The following PPM1L variants were observed in gnomAD, a reference collection of about 807,000 sequenced individuals.
The protein encoded by PPM1L is protein phosphatase 1L.
In PPM1L, 13 loss-of-function variants were observed where a neutral mutation model predicts 31.4. The ratio of observed to expected loss-of-function variants is 0.41; its 90% CI spans 0.27 to 0.66. The LOEUF (loss-of-function observed/expected upper bound fraction) is 0.66. PPM1L is among the 30% of genes least tolerant of loss of function. The probability of loss-of-function intolerance (pLI) is 0.29; values close to 1 mark genes in which losing one functional copy is unlikely to be tolerated. For synonymous variants in PPM1L, 184 were observed against 175.4 expected (o/e 1.05, Z -0.39); for missense variants, 326 against 453.7 (o/e 0.72, Z 2.56).
At chr3:160,842,389 A>G (rs1361151716) in intron 1 of PPM1L, 1 of 688,310 alleles carries the variant, frequency 1.5e-6, no homozygotes, top group Non-Finnish European at 2.7e-6. Flanking sequence ...TCAAATTGGG[A>G]GGGGCTTTGA....
chr3:160,879,221 T>C (rs1427937024), intron 1 of PPM1L, among the ~76,000 whole-genome samples: 5 of 152,174 alleles, frequency 3.3e-5, no homozygotes, highest in Admixed American at 1.3e-4. Context: ...CCTTTTTTTT[T>C]CCACTCTCTG....
chr3:160,893,150 A>G (rs1713213473), intron 1 of PPM1L, among the ~76,000 whole-genome samples: 1 of 152,236 alleles, frequency 6.6e-6, no homozygotes, highest in South Asian at 2.1e-4. Context: ...GAAGAACCTT[A>G]AAATATGTTG....
intron 1 of PPM1L, among the ~76,000 whole-genome samples, chr3:160,838,369 G>A (rs1266442569): frequency 6.6e-6 from 1 of 152,128 alleles, no homozygotes. Flanking sequence ...ACAAAGGGTG[G>A]CTATAAGACA....
At chr3:160,911,556 G>A (rs746165903) in intron 1 of PPM1L, among the ~76,000 whole-genome samples, 1 of 152,152 alleles carries the variant, frequency 6.6e-6, no homozygotes, top group Non-Finnish European at 1.5e-5. Flanking sequence ...TAGACTAAAA[G>A]AAGTCTGCCT....
In PPM1L at chr3:160,794,060, G is replaced by T. The variant is rs79493417; in HGVS notation, c.399+37353G>T. ...CTCTCTGAGAATAGAGTACATGACTGCTCCCTCACCGAGCTATGTCTGCCT... is the reference window on the plus strand; with the variant it reads ...CTCTCTGAGAATAGAGTACATGACTTCTCCCTCACCGAGCTATGTCTGCCT... On this transcript the variant is annotated intron_variant, in intron 1 of 3. Coordinates refer to ENST00000498165, the MANE Select transcript of PPM1L (RefSeq NM_139245.4). Among the ~76,000 whole-genome samples the T allele has an allele frequency of 5.7e-4, 84 of 147,648 alleles. No homozygotes were observed. In the East Asian group the frequency reaches 0.012, roughly 21 times the overall value.
At chr3:160,757,425 G>C (rs1410579336) in intron 1 of PPM1L, among the ~76,000 whole-genome samples, 1 of 152,264 alleles carries the variant, frequency 6.6e-6, no homozygotes, top group East Asian at 1.9e-4. Context: ...CGCCCTGGCG[G>C]GCTTAGGGGT....
At chr3:161,049,025 C>G (rs1157689239) in intron 2 of PPM1L, among the ~76,000 whole-genome samples, 2 of 149,288 alleles carry the variant, frequency 1.3e-5, no homozygotes, top group African/African-American at 4.9e-5. Context: ...CACATATATA[C>G]ATATGTAACA....
At chr3:160,979,445 G>C (rs1432190816) in intron 2 of PPM1L, among the ~76,000 whole-genome samples, 1 of 152,020 alleles carries the variant, frequency 6.6e-6, no homozygotes, top group Admixed American at 6.6e-5. Context: ...AGAAACCAGA[G>C]TACCTTGGGA....
chr3:160,933,669 G>A (rs1714862316), intron 1 of PPM1L, among the ~76,000 whole-genome samples: 1 of 151,294 alleles, frequency 6.6e-6, no homozygotes, highest in Non-Finnish European at 1.5e-5. Context: ...CATTCTTTTT[G>A]TTGCCTTGAC....
intron 2 of PPM1L, among the ~76,000 whole-genome samples, chr3:161,043,604 G>T (rs1260920025): frequency 2.0e-5 from 3 of 152,140 alleles, no homozygotes; most frequent in African/African-American, 4.8e-5. Flanking sequence ...CTTAAGTTCT[G>T]GTTTTATTGC....
intron 1 of PPM1L, among the ~76,000 whole-genome samples, chr3:160,920,978 G>A (rs1031476503): frequency 1.3e-5 from 2 of 151,868 alleles, no homozygotes; most frequent in African/African-American, 2.4e-5. Flanking sequence ...CAGTTTTCTC[G>A]GTATCAGAAA....
At chr3:160,924,848 A>G (rs1218433206) in intron 1 of PPM1L, among the ~76,000 whole-genome samples, 2 of 152,202 alleles carry the variant, frequency 1.3e-5, no homozygotes, top group African/African-American at 2.4e-5. Context: ...ATTACAAGCT[A>G]AATTCTGACT....
intron 2 of PPM1L, among the ~76,000 whole-genome samples, chr3:161,013,102 T>C (rs369437572): frequency 1.6e-4 from 25 of 152,220 alleles, no homozygotes; most frequent in East Asian, 1.3e-3. Flanking sequence ...TCTAGTTCTT[T>C]TAATTGTGAT....
intron 2 of PPM1L, among the ~76,000 whole-genome samples, chr3:161,026,230 GA>G (rs1718384331): frequency 6.6e-6 from 1 of 152,164 alleles, no homozygotes; most frequent in Admixed American, 6.5e-5. Context: ...ACTCACTGGT[GA>G]AGGGTTAGAC....
intron 2 of PPM1L, among the ~76,000 whole-genome samples, chr3:161,010,836 C>G (rs969144220): frequency 2.6e-5 from 4 of 152,200 alleles, no homozygotes; most frequent in Non-Finnish European, 5.9e-5. Flanking sequence ...TGAGAAGTGT[C>G]TATTCATATC....
intron 1 of PPM1L, among the ~76,000 whole-genome samples, chr3:160,930,571 A>G (rs1045670747): frequency 1.3e-5 from 2 of 152,198 alleles, no homozygotes; most frequent in Non-Finnish European, 2.9e-5. Context: ...AACCAAATAC[A>G]TGAGAGGTGA....
intron 2 of PPM1L, among the ~76,000 whole-genome samples, chr3:161,033,693 G>A (rs1415558981): frequency 2.0e-5 from 3 of 152,002 alleles, no homozygotes; most frequent in Non-Finnish European, 4.4e-5. Context: ...AAATTAACTC[G>A]AGATGGATTA....
At chr3:161,025,114 C>T (rs1223895655) in intron 2 of PPM1L, among the ~76,000 whole-genome samples, 1 of 152,166 alleles carries the variant, frequency 6.6e-6, no homozygotes, top group East Asian at 1.9e-4. Flanking sequence ...CTTACCCTGC[C>T]ATTCCAGAAG....
chr3:161,021,996 T>C (rs1298127628), intron 2 of PPM1L, among the ~76,000 whole-genome samples: 1 of 152,118 alleles, frequency 6.6e-6, no homozygotes, highest in East Asian at 1.9e-4. Context: ...CATTTATGTT[T>C]AAGGTAATTA....
Sources: allele counts gnomAD v4.1 joint callset (sites outside exome capture counted in the v4.1 genomes callset), GRCh38; gene constraint gnomAD v4.1.1; transcripts MANE v1.5; gene names NCBI Gene and HGNC (gene_info 2026-07-23, HGNC 2026-07-21).